The following TTC29 variants were observed in gnomAD, a reference collection of about 807,000 sequenced individuals.
TTC29 encodes the protein tetratricopeptide repeat domain 29.
Under a neutral mutation model 58.1 loss-of-function variants are expected in TTC29, and 49 were observed. The ratio of observed to expected loss-of-function variants is 0.84; its 90% CI spans 0.67 to 1.07. The LOEUF (loss-of-function observed/expected upper bound fraction) is 1.07, where lower values mean the gene tolerates loss of function less well. Ranked by LOEUF, TTC29 falls within the 50% of genes least tolerant of loss-of-function variation. The pLI is 0.00. For synonymous variants in TTC29, 209 were observed against 196.8 expected, an observed-to-expected ratio of 1.06 and a Z score of -0.52; for missense variants, 582 against 555.6, an observed-to-expected ratio of 1.05 and a Z score of -0.48.
At chr4:146,850,051 T>G (rs1729422037) in intron 8 of TTC29, among the ~76,000 whole-genome samples, 1 of 152,234 alleles carries the variant, frequency 6.6e-6, no homozygotes, top group African/African-American at 2.4e-5. Context: ...TTGTCAATTA[T>G]GTTTCATCTT....
At chr4:146,717,024 A>C (rs886352206) in intron 11 of TTC29, among the ~76,000 whole-genome samples, 8 of 152,188 alleles carry the variant, frequency 5.3e-5, no homozygotes, top group African/African-American at 1.9e-4. Flanking sequence ...AGTAACACAG[A>C]ATCTGCCTTT....
At chr4:146,862,603 G>A (rs1730307180) in intron 8 of TTC29, among the ~76,000 whole-genome samples, 1 of 152,198 alleles carries the variant, frequency 6.6e-6, no homozygotes. Context: ...CTGTTCAAAT[G>A]TTGTGCTTGG....
At chr4:146,916,532 AAG>A (rs1442767362) in intron 4 of TTC29, among the ~76,000 whole-genome samples, 7 of 151,720 alleles carry the variant, frequency 4.6e-5, no homozygotes, top group Admixed American at 4.0e-4. Flanking sequence ...TTTTGTAAGA[AAG>A]ATTAGTGAGT....
At chr4:146,722,464 C>G (rs941582348) in intron 11 of TTC29, among the ~76,000 whole-genome samples, 3 of 152,040 alleles carry the variant, frequency 2.0e-5, no homozygotes, top group Non-Finnish European at 4.4e-5. Context: ...GGTACTGGTA[C>G]AAAAACAGAC....
At chr4:146,870,899 T>C (rs1730885424) in intron 7 of TTC29, among the ~76,000 whole-genome samples, 1 of 152,014 alleles carries the variant, frequency 6.6e-6, no homozygotes, top group Non-Finnish European at 1.5e-5. Context: ...ATTTCACTGC[T>C]GAATTTTTAA....
At chr4:146,733,822 T>A (rs1261377172) in intron 11 of TTC29, among the ~76,000 whole-genome samples, 2 of 152,192 alleles carry the variant, frequency 1.3e-5, no homozygotes, top group Non-Finnish European at 2.9e-5. Context: ...AGACATCTAC[T>A]TTTGTCTGAG....
In TTC29 at chr4:146,913,917, A is replaced by G. The variant is rs75775379; in HGVS notation, c.177-4668T>C. ...TAAAATTTCTAGTACATTTTTAAAA[A>G]AGATCATTCTTTACAGATGATGTTA... On this transcript the variant is annotated intron_variant, in intron 4 of 12. Transcript: ENST00000325106. Among the ~76,000 whole-genome samples, 1,375 of 152,300 alleles carry G rather than the reference A, an allele frequency of 9.0e-3. 14 individuals carry two copies. The highest frequency in any genetic ancestry group is 0.015 in the Non-Finnish European group (1,000 of 68,020).
chr4:146,729,156 CTTTTCACTAATAATA>C (rs1261277590), intron 11 of TTC29, among the ~76,000 whole-genome samples: 1 of 152,056 alleles, frequency 6.6e-6, no homozygotes, highest in Non-Finnish European at 1.5e-5. Flanking sequence ...CGTATCTCTT[CTTTTCACTAATAATA>C]TGTGGGAGAT....
chr4:146,713,024 G>A (rs1330981265), intron 11 of TTC29, among the ~76,000 whole-genome samples: 3 of 151,712 alleles, frequency 2.0e-5, no homozygotes, highest in Non-Finnish European at 4.4e-5. Context: ...AAATACATAC[G>A]ATGAAGCCAG....
intron 4 of TTC29, among the ~76,000 whole-genome samples, chr4:146,932,391 G>A (rs1735405735): frequency 6.6e-6 from 1 of 152,086 alleles, no homozygotes. Flanking sequence ...TTACCAAAGA[G>A]CAAACTTTTT....
At chr4:146,825,053 C>A (rs539215713) in intron 9 of TTC29, among the ~76,000 whole-genome samples, 5 of 152,192 alleles carry the variant, frequency 3.3e-5, no homozygotes, top group South Asian at 4.2e-4. Context: ...ATAAAACCAG[C>A]TCCTGGATTC....
intron 11 of TTC29, among the ~76,000 whole-genome samples, chr4:146,776,844 G>C (rs2150081201): frequency 6.6e-6 from 1 of 152,350 alleles, no homozygotes; most frequent in Admixed American, 6.5e-5. Flanking sequence ...GCACAGGCCG[G>C]GGCGAGTTGC....
At chr4:146,812,936 CT>C (rs768717047) in intron 10 of TTC29, 2 of 152,082 alleles carry the variant, frequency 1.3e-5, no homozygotes, top group Non-Finnish European at 2.9e-5. Context: ...TCTTGGTAAT[CT>C]CAAATATGAG....
chr4:146,867,744 T>A (rs1347226998), intron 7 of TTC29, among the ~76,000 whole-genome samples, 161 bp from the exon 8 acceptor site: 1 of 152,156 alleles, frequency 6.6e-6, no homozygotes, highest in Non-Finnish European at 1.5e-5. Flanking sequence ...AAAAGGCTGA[T>A]GTAAACACAA....
intron 11 of TTC29, among the ~76,000 whole-genome samples, chr4:146,789,663 A>G (rs1267258163): frequency 6.6e-6 from 1 of 152,226 alleles, no homozygotes; most frequent in Non-Finnish European, 1.5e-5. Context: ...TATGAAATAG[A>G]CTAAGCTAGA....
intron 10 of TTC29, among the ~76,000 whole-genome samples, chr4:146,808,392 C>A (rs934713803): frequency 2.0e-5 from 3 of 152,064 alleles, no homozygotes; most frequent in African/African-American, 7.2e-5. Context: ...CTGGCCAGGG[C>A]AATCAGGCAA....
chr4:146,754,293 G>A (rs1322906185), intron 11 of TTC29, among the ~76,000 whole-genome samples: 1 of 151,968 alleles, frequency 6.6e-6, no homozygotes, highest in Non-Finnish European at 1.5e-5. Context: ...GGAAGAACTA[G>A]AAAGCCTGAA....
At chr4:146,865,731 A>G (rs1730521245) in intron 8 of TTC29, among the ~76,000 whole-genome samples, 2 of 152,214 alleles carry the variant, frequency 1.3e-5, no homozygotes, top group East Asian at 3.8e-4. Context: ...CTTGAAGTTT[A>G]CTGAGACTAG....
At chr4:146,887,064 A>T (rs1440775621) in intron 6 of TTC29, among the ~76,000 whole-genome samples, 3 of 152,112 alleles carry the variant, frequency 2.0e-5, no homozygotes, top group African/African-American at 7.2e-5. Context: ...AGGAGGGAGG[A>T]GTTGATGGGA....
Sources: gnomAD v4.1 joint callset for allele counts (sites outside exome capture counted in the v4.1 genomes callset) on GRCh38, gnomAD v4.1.1 for gene constraint, MANE v1.5 for transcripts, NCBI Gene and HGNC (gene_info 2026-07-23, HGNC 2026-07-21) for gene names.